LINGO2: variants seen among roughly 807,000 people sequenced by gnomAD.
LINGO2 encodes the protein leucine-rich repeat and immunoglobulin-like domain-containing nogo receptor-interacting protein 2.
Under a neutral mutation model 30.6 loss-of-function variants are expected in LINGO2, and 14 were observed. The ratio of observed to expected loss-of-function variants is 0.46; its 90% CI spans 0.30 to 0.72. The LOEUF (loss-of-function observed/expected upper bound fraction) is 0.72, where lower values mean the gene tolerates loss of function less well. Among genes scored for constraint, LINGO2 ranks in the 30% least tolerant of loss-of-function variants. LINGO2 has a pLI of 0.07. For synonymous variants in LINGO2, 317 were observed against 288.5 expected (o/e 1.10, Z -1.00); for missense variants, 729 against 751.7 (o/e 0.97, Z 0.35).
intron 1 of LINGO2, among the ~76,000 whole-genome samples, chr9:28,537,778 G>A (rs973441626): frequency 1.3e-5 from 2 of 151,548 alleles, no homozygotes; most frequent in African/African-American, 4.8e-5. Flanking sequence ...TAGGGGAAAA[G>A]AGGCAATATT....
intron 1 of LINGO2, among the ~76,000 whole-genome samples, chr9:28,600,094 C>T (rs1825398467): frequency 6.6e-6 from 1 of 152,084 alleles, no homozygotes; most frequent in Non-Finnish European, 1.5e-5. Context: ...TTCCACTCCA[C>T]CATTGCTATG....
chr9:29,112,227 G>C, the LINGO2 span, among the ~76,000 whole-genome samples: 2 of 151,224 alleles, frequency 1.3e-5, no homozygotes, highest in Admixed American at 1.3e-4. Context: ...CAATTAAGAA[G>C]CTTGAGCATG....
rs528134493 is a variant in LINGO2, at chr9:28,638,708, CTTT to C, written c.-365+31489_-365+31491del. Among the ~76,000 whole-genome samples the C allele has an allele frequency of 9.2e-3, 1,404 of 152,172 alleles. 25 individuals are homozygous for C. Among genetic ancestry groups the C allele is most frequent in the East Asian group, 0.08 (412 of 5,176 alleles). On this transcript the variant is annotated intron_variant, in intron 1 of 5. Transcript: ENST00000379992. ...TATTGCATCTATTTGATCCTTCACT[CTTT>C]TCTTCTTTATTAGTCTTGCTAGCAG...
chr9:28,831,705 T>A, the LINGO2 span, among the ~76,000 whole-genome samples: 1 of 152,192 alleles, frequency 6.6e-6, no homozygotes, highest in African/African-American at 2.4e-5. Context: ...AGAAAATGGA[T>A]GACTCAATAC....
At position 28,488,531 on chromosome 9, in the gene LINGO2, C is replaced by T. The variant is rs545935559; in HGVS notation, c.-364-12506G>A. 1.2e-4 allele frequency among the ~76,000 whole-genome samples: 18 copies of T among 152,202 alleles called. 1 individual carries two copies. The South Asian group carries it at 2.7e-3, about 23-fold the overall frequency. On this transcript the variant is annotated intron_variant, in intron 1 of 5. Coordinates refer to ENST00000379992, the Ensembl canonical transcript of LINGO2. Reference sequence around the variant, plus strand: ...CCTTCAGTTAAGGTCTTAGCACTGCCATTAATTGTTTATATATTAAGCAGG... The same window carrying T: ...CCTTCAGTTAAGGTCTTAGCACTGCTATTAATTGTTTATATATTAAGCAGG...
At chr9:28,674,564 C>T (rs146646058), upstream of LINGO2, among the ~76,000 whole-genome samples, 193 of 152,136 alleles carry the variant, frequency 1.3e-3, 2 homozygotes, top group African/African-American at 4.5e-3. Flanking sequence ...TCTTTTTCTA[C>T]CACATTTTAT....
the LINGO2 span, among the ~76,000 whole-genome samples, chr9:29,049,021 A>G: frequency 6.6e-6 from 1 of 152,224 alleles, no homozygotes. Context: ...CAACAGAATG[A>G]AGACACAAGC....
chr9:28,834,010 GT>G, the LINGO2 span, among the ~76,000 whole-genome samples: 1 of 147,522 alleles, frequency 6.8e-6, no homozygotes, highest in Non-Finnish European at 1.5e-5. Context: ...TGTAGAAACT[GT>G]TTCTTGTTTC....
At chr9:28,978,834 T>C in the LINGO2 span, among the ~76,000 whole-genome samples, 3 of 83,802 alleles carry the variant, frequency 3.6e-5, no homozygotes, top group African/African-American at 1.0e-4. Flanking sequence ...AACACAGATA[T>C]TCTGAAGAGT....
chr9:28,018,154 T>C (rs1822934443), intron 4 of LINGO2, among the ~76,000 whole-genome samples: 1 of 152,138 alleles, frequency 6.6e-6, no homozygotes, highest in African/African-American at 2.4e-5. Context: ...TGGCTAGCCA[T>C]ATGCAGAAAA....
At chr9:28,162,200 C>A (rs1446271902) in intron 4 of LINGO2, among the ~76,000 whole-genome samples, 1 of 152,050 alleles carries the variant, frequency 6.6e-6, no homozygotes, top group African/African-American at 2.4e-5. Context: ...AAGACTCAGT[C>A]AGAGGACATT....
At chr9:28,094,847 T>G (rs1169013806) in intron 4 of LINGO2, among the ~76,000 whole-genome samples, 1 of 152,080 alleles carries the variant, frequency 6.6e-6, no homozygotes, top group African/African-American at 2.4e-5. Flanking sequence ...AAGATAGTAA[T>G]AGCAAAAGTC....
chr9:28,052,927 CTG>C (rs1824743744), intron 4 of LINGO2, among the ~76,000 whole-genome samples: 1 of 151,892 alleles, frequency 6.6e-6, no homozygotes, highest in Admixed American at 6.6e-5. Flanking sequence ...AAGTAAAAAT[CTG>C]TATTCAAATA....
At chr9:28,191,998 C>A (rs772164667) in intron 4 of LINGO2, among the ~76,000 whole-genome samples, 1 of 152,028 alleles carries the variant, frequency 6.6e-6, no homozygotes, top group Non-Finnish European at 1.5e-5. Flanking sequence ...CCGTCCTTGG[C>A]CTCTCCACTT....
chr9:28,142,421 T>C (rs1190599597), intron 4 of LINGO2, among the ~76,000 whole-genome samples: 1 of 152,196 alleles, frequency 6.6e-6, no homozygotes, highest in African/African-American at 2.4e-5. Flanking sequence ...ATGGGTAAGA[T>C]TCTGATGTCA....
At chr9:28,641,708 C>A (rs183277811) in intron 1 of LINGO2, among the ~76,000 whole-genome samples, 1 of 152,144 alleles carries the variant, frequency 6.6e-6, no homozygotes, top group East Asian at 1.9e-4. Context: ...GATAAAGATG[C>A]GGCAAGAAAG....
chr9:28,839,497 C>G, the LINGO2 span, among the ~76,000 whole-genome samples: 1 of 152,048 alleles, frequency 6.6e-6, no homozygotes, highest in Non-Finnish European at 1.5e-5. Flanking sequence ...AGAGAGGAGA[C>G]CAGGAGTGGG....
chr9:28,798,761 G>A, the LINGO2 span, among the ~76,000 whole-genome samples: 1 of 152,012 alleles, frequency 6.6e-6, no homozygotes, highest in Admixed American at 6.6e-5. Flanking sequence ...AGGTTTGTTC[G>A]CTTGCTTCCC....
At chr9:28,661,558 C>G (rs1303386193) in intron 1 of LINGO2, among the ~76,000 whole-genome samples, 1 of 152,146 alleles carries the variant, frequency 6.6e-6, no homozygotes, top group Non-Finnish European at 1.5e-5. Context: ...TATTTCCTTC[C>G]TGTTGCTCTT....
Sources: allele counts gnomAD v4.1 joint callset (sites outside exome capture counted in the v4.1 genomes callset), GRCh38; gene constraint gnomAD v4.1.1; transcripts MANE v1.5; gene names NCBI Gene and HGNC (gene_info 2026-07-23, HGNC 2026-07-21).